Variants in GTF2H2 observed in about 807,000 individuals in gnomAD.
The protein encoded by GTF2H2 is TFIIH basal transcription factor complex p44 subunit.
In GTF2H2, 2 loss-of-function variants were observed where a neutral mutation model predicts 16.5. The observed-to-expected ratio is 0.12, with a 90% CI of 0.05 to 0.38. The LOEUF (loss-of-function observed/expected upper bound fraction) is 0.38. GTF2H2 is among the 10% of genes least tolerant of loss of function. The pLI is 0.99. For synonymous variants in GTF2H2, 8 were observed against 44.1 expected (o/e 0.18, Z 3.24); for missense variants, 20 against 137.0 (o/e 0.15, Z 4.26).
intron 14 of GTF2H2, among the ~76,000 whole-genome samples, chr5:71,039,449 C>G (rs1355468336): frequency 8.6e-6 from 1 of 116,250 alleles, no homozygotes; most frequent in Admixed American, 8.7e-5. Context: ...AGGATTAGAG[C>G]TATGAGCCAC....
chr5:71,044,036 T>C (rs1752157552), intron 12 of GTF2H2, among the ~76,000 whole-genome samples: 1 of 126,510 alleles, frequency 7.9e-6, no homozygotes, highest in Non-Finnish European at 1.6e-5. Flanking sequence ...AATTTGCTTT[T>C]AAACTTTGGT....
intron 7 of GTF2H2, chr5:71,058,599 A>T (rs964007392): frequency 8.2e-6 from 1 of 121,656 alleles, no homozygotes; most frequent in Non-Finnish European, 1.8e-5. Flanking sequence ...CAACATATGC[A>T]GCAACTATAT....
rs181001321 is a variant in GTF2H2 at position 71,053,827 on chromosome 5, C to T, written c.470+1525G>A. On this transcript the variant is annotated intron_variant, in intron 8 of 15. Transcript: ENST00000274400. ...ATTAAGTAAAATAACACAAACACTG[C>T]AATAGTTTTGACAGTCAATAACAAC... Among the ~76,000 whole-genome samples the T allele has an allele frequency of 1.6e-3, 219 of 136,334 alleles. 9 individuals are homozygous for T. The East Asian group carries it at 0.043, about 27-fold the overall frequency. The allele number at this position is 136,334 out of a possible 152,430, so 89.4% of individuals were successfully genotyped here.
intron 8 of GTF2H2, among the ~76,000 whole-genome samples, chr5:71,051,730 A>G (rs191652496): frequency 1.4e-5 from 2 of 140,990 alleles, no homozygotes; most frequent in East Asian, 3.9e-4. Flanking sequence ...TCTTCTTCCA[A>G]CAGAAGGCTG....
chr5:71,053,410 C>T (rs1414100628), intron 8 of GTF2H2, among the ~76,000 whole-genome samples: 5 of 138,482 alleles, frequency 3.6e-5, no homozygotes, highest in African/African-American at 8.3e-5. Flanking sequence ...CTTATATGGG[C>T]GCAGTTTGTG....
chr5:71,058,290 C>A (rs566697200), intron 7 of GTF2H2: 3 of 137,162 alleles, frequency 2.2e-5, no homozygotes, highest in Non-Finnish European at 4.8e-5. Context: ...ATATTCCTAC[C>A]TTGGAGGAAC....
intron 8 of GTF2H2, among the ~76,000 whole-genome samples, chr5:71,054,751 GTATATA>G (rs765886196): frequency 7.9e-6 from 1 of 126,986 alleles, no homozygotes; most frequent in African/African-American, 3.1e-5. Context: ...GTGTGTGTGT[GTATATA>G]TATAATAGAT....
In GTF2H2 at chr5:71,054,693, G is replaced by A. The variant is rs770854263; in HGVS notation, c.470+659C>T. On this transcript the variant is annotated intron_variant, in intron 8 of 15. Transcript: ENST00000274400. The stretch of plus-strand genomic sequence containing the variant: ...GGGTGACAGAGCAAGACTCTGTCTC[G>A]AAAAAAAATATATATATACGTGTGT... 2.4e-4 allele frequency among the ~76,000 whole-genome samples: 31 copies of A among 130,160 alleles called. 2 individuals carry two copies. Among genetic ancestry groups the A allele is most frequent in the South Asian group, 4.8e-4 (2 of 4,146 alleles). 85.4% of individuals were successfully genotyped at this position (130,160 alleles called of 152,430 possible).
At chr5:71,053,709 AATT>A (rs1324029983) in intron 8 of GTF2H2, among the ~76,000 whole-genome samples, 1 of 137,876 alleles carries the variant, frequency 7.3e-6, no homozygotes, top group Non-Finnish European at 1.5e-5. Context: ...ATAATGTATA[AATT>A]AGGCACAATA....
intron 15 of GTF2H2, among the ~76,000 whole-genome samples, chr5:71,036,907 AAT>A (rs1392047415): frequency 1.4e-5 from 1 of 71,054 alleles, no homozygotes; most frequent in Non-Finnish European, 2.8e-5. Context: ...TATTTTATAT[AAT>A]ATATATAGTT....
chr5:71,046,673 AT>A (rs1222181174), intron 11 of GTF2H2, among the ~76,000 whole-genome samples: 1 of 129,914 alleles, frequency 7.7e-6, no homozygotes, highest in African/African-American at 2.9e-5. Flanking sequence ...TAAAAAAGTG[AT>A]CCAAGGCCGG....
intron 7 of GTF2H2, chr5:71,058,951 C>T (rs1159170354): frequency 2.7e-4 from 1 of 3,720 alleles, no homozygotes; most frequent in Non-Finnish European, 5.9e-4. Context: ...TTAGGTATGT[C>T]ATGGAAGCAG....
chr5:71,054,790 G>C (rs1328088165), intron 8 of GTF2H2, among the ~76,000 whole-genome samples: 1 of 134,590 alleles, frequency 7.4e-6, no homozygotes, highest in African/African-American at 2.9e-5. Flanking sequence ...ACTTATATAT[G>C]TAAGTTTAAC....
In GTF2H2 at chr5:71,061,321, T is replaced by A; in HGVS notation, c.135-13A>T. The A allele has an allele frequency of 6.6e-7, 1 of 1,513,084 alleles. No homozygotes were observed. The allele number at this position is 1,513,084 out of a possible 1,614,324, so 93.7% of individuals were successfully genotyped here. A position where few individuals can be genotyped will look rare whatever the true frequency, so the allele number is the denominator to read the frequency against. On this transcript the variant is annotated splice_polypyrimidine_tract_variant and intron_variant, in intron 3 of 15. Coordinates refer to ENST00000274400, the Ensembl canonical transcript of GTF2H2. ...GTGCTCAAATACTCTGTTAAAATTA[T>A]ACAAACATTTTAATGTAATTCCATA...
At chr5:71,037,886 C>T (rs1336262723) in intron 14 of GTF2H2, among the ~76,000 whole-genome samples, 2 of 62,044 alleles carry the variant, frequency 3.2e-5, no homozygotes, top group East Asian at 1.4e-3. Flanking sequence ...GCAGGAGAAT[C>T]GCTTGAACCC....
chr5:71,036,581 A>G (rs1407875958), intron 15 of GTF2H2, among the ~76,000 whole-genome samples: 1 of 82,112 alleles, frequency 1.2e-5, no homozygotes, highest in Non-Finnish European at 2.5e-5. Context: ...ACATGGTGAA[A>G]CCCAGTCTCT....
chr5:71,053,308 T>TG (rs1222046792), intron 8 of GTF2H2, among the ~76,000 whole-genome samples: 1 of 141,946 alleles, frequency 7.0e-6, no homozygotes, highest in African/African-American at 2.7e-5. Context: ...TCTTAGGAGA[T>TG]GGGGGGGCCG....
Position 71,054,741 on chromosome 5 carries a change from GTGTGTGTGTGTA to G in GTF2H2, c.470+599_470+610del, listed in dbSNP as rs1209148248. Among the ~76,000 whole-genome samples the G allele has an allele frequency of 8.9e-4, 119 of 134,368 alleles. 5 individuals are homozygous for G. Among genetic ancestry groups the G allele is most frequent in the Admixed American group, 2.5e-3 (32 of 12,700 alleles). 88.2% of individuals were successfully genotyped at this position (134,368 alleles called of 152,430 possible). A position where few individuals can be genotyped will look rare whatever the true frequency, so the allele number is the denominator to read the frequency against. The stretch of plus-strand genomic sequence containing the variant: ...TGTGTGTGTGTGTGTGTGTGTGTGT[GTGTGTGTGTGTA>G]TATATATAATAGATATATAAGCTTT... On this transcript the variant is annotated intron_variant, in intron 8 of 15. Coordinates refer to ENST00000274400, the Ensembl canonical transcript of GTF2H2.
Position 71,051,950 on chromosome 5 carries a change from T to TG in GTF2H2, c.471-2793dup, listed in dbSNP as rs1752755730. 1.5e-5 allele frequency among the ~76,000 whole-genome samples: 2 copies of TG among 136,030 alleles called. 1 individual carries two copies. Among genetic ancestry groups the TG allele is most frequent in the Admixed American group, 1.5e-4 (2 of 13,316 alleles). The allele number at this position is 136,030 out of a possible 152,430, so 89.2% of individuals were successfully genotyped here. ...CTGTAGTCCCTGCTACTTGTGGGGC[T>TG]GGGAGAATAGCTTGAGCCTGGGAGT... On this transcript the variant is annotated intron_variant, in intron 8 of 15. Transcript: ENST00000274400.
Sources: allele counts gnomAD v4.1 joint callset (sites outside exome capture counted in the v4.1 genomes callset), GRCh38; gene constraint gnomAD v4.1.1; transcripts MANE v1.5; gene names NCBI Gene and HGNC (gene_info 2026-07-23, HGNC 2026-07-21).